MYO7A: variants seen among roughly 807,000 people sequenced by gnomAD.
MYO7A encodes unconventional myosin-VIIa.
A neutral mutation model predicts 263.8 loss-of-function variants in MYO7A; 210 were observed. The ratio of observed to expected loss-of-function variants is 0.80; its 90% CI spans 0.71 to 0.89. The LOEUF is 0.89. MYO7A is among the 40% of genes least tolerant of loss of function. MYO7A has a pLI of 0.00. For synonymous variants in MYO7A, 1,239 were observed against 1,197.3 expected (o/e 1.03, Z -0.72); for missense variants, 2,820 against 2,968.3 (o/e 0.95, Z 1.16).
chr11:77,169,980 A>G (rs1407564458), intron 15 of MYO7A, among the ~76,000 whole-genome samples: 2 of 152,158 alleles, frequency 1.3e-5, no homozygotes, highest in Non-Finnish European at 2.9e-5. Context: ...GGAGGCTGAG[A>G]CAGGAGGCCG....
chr11:77,199,895 G>T, intron 35 of MYO7A, 77 bp downstream of exon 35: 1 of 1,332,404 alleles, frequency 7.5e-7, no homozygotes, highest in Non-Finnish European at 1.0e-6. Flanking sequence ...CATTTGTGTT[G>T]CTATAATGGA....
At chr11:77,130,470 A>G (rs1227586016) in intron 1 of MYO7A, 119 bp from the exon 2 acceptor site, 6 of 714,040 alleles carry the variant, frequency 8.4e-6, no homozygotes, top group Non-Finnish European at 1.4e-5. Flanking sequence ...GAAGCCAAGG[A>G]GGGTTCCCTT....
intron 32 of MYO7A, among the ~76,000 whole-genome samples, chr11:77,196,552 A>G (rs1956678183): frequency 6.6e-6 from 1 of 152,226 alleles, no homozygotes; most frequent in Non-Finnish European, 1.5e-5. Context: ...CGTTCAAAAA[A>G]GTAGGACTGC....
At chr11:77,166,250 C>A in intron 15 of MYO7A, 88 bp downstream of exon 15, 1 of 1,144,914 alleles carries the variant, frequency 8.7e-7, no homozygotes. Flanking sequence ...ACAGCTTCAG[C>A]TGAGCCCCCT....
chr11:77,190,878 C>T lies in MYO7A; in HGVS notation c.3924+8C>T, dbSNP rs565801140. 3.6e-5 allele frequency: 56 copies of T among 1,549,422 alleles called. No homozygotes were observed. In the South Asian group the frequency reaches 4.6e-4, roughly 13 times the overall value. Reference sequence around the variant, plus strand: ...ATTGCCCTGTTTGACAAGGTATGGCCGCCCGGAAGCACCTCCTCCCGGAAG... The same window carrying T: ...ATTGCCCTGTTTGACAAGGTATGGCTGCCCGGAAGCACCTCCTCCCGGAAG... On this transcript the variant is annotated splice_region_variant and intron_variant, in intron 30 of 48. Transcript: ENST00000409709.
chr11:77,204,069 T>G lies in MYO7A; in HGVS notation c.5327-7T>G, dbSNP rs1957263889. ...TTCGGCACAAGCCCTTCCTTGACAG[T>G]CCCCAGCTGTGCTCAAGTACATGGG... On this transcript the variant is annotated splice_polypyrimidine_tract_variant and splice_region_variant and intron_variant, in intron 38 of 48. Transcript: ENST00000409709. 1 of 1,595,902 alleles carries G rather than the reference T, an allele frequency of 6.3e-7. No homozygotes were observed. The highest frequency in any genetic ancestry group is 8.5e-7 in the Non-Finnish European group (1 of 1,171,186).
intron 13 of MYO7A, 96 bp downstream of exon 13, chr11:77,162,426 T>A: frequency 8.4e-7 from 1 of 1,186,428 alleles, no homozygotes; most frequent in Non-Finnish European, 1.2e-6. Context: ...AAAATAGGAC[T>A]AATGATACCC....
At chr11:77,179,150 CT>C (rs1555082177) in intron 20 of MYO7A, 21 bp downstream of exon 20, 1 of 1,576,182 alleles carries the variant, frequency 6.3e-7, no homozygotes. Context: ...CCATGGGCTG[CT>C]CTTGCCCAAA....
Position 77,211,882 on chromosome 11 carries a change from T to G in MYO7A, c.6299T>G (p.Phe2100Cys). Residue 2100 changes from phenylalanine to cysteine, a missense_variant, in exon 46 of 49, where the codon TTC becomes TGC. Physicochemically the swap from Phe to Cys is radical, Grantham distance 205. Transcript: ENST00000409709. ...TCCAAGGAGGAGGCCAAGCTGGCCT[T>G]CCTGAAGCTCATCTTCAAGTGGCCC... ...GKSKEEAKLA[F>C]LKLIFKWPTF... 1.2e-6 allele frequency: 2 copies of G among 1,613,968 alleles called. No homozygotes were observed. The highest frequency in any genetic ancestry group is 1.7e-6 in the Non-Finnish European group (2 of 1,179,870).
intron 15 of MYO7A, among the ~76,000 whole-genome samples, chr11:77,171,060 A>G (rs1369068488): frequency 6.6e-6 from 1 of 152,230 alleles, no homozygotes; most frequent in Non-Finnish European, 1.5e-5. Flanking sequence ...CCATGCAGCA[A>G]TAAAGAGGCA....
intron 2 of MYO7A, among the ~76,000 whole-genome samples, chr11:77,136,110 G>T (rs576308184): frequency 6.6e-6 from 1 of 152,172 alleles, no homozygotes; most frequent in Non-Finnish European, 1.5e-5. Flanking sequence ...TTTTGTTTAC[G>T]TGGGAATGTC....
intron 4 of MYO7A, among the ~76,000 whole-genome samples, chr11:77,150,166 G>A (rs782464672): frequency 5.3e-5 from 8 of 152,344 alleles, no homozygotes; most frequent in East Asian, 3.9e-4. Flanking sequence ...AGGAGGAGGC[G>A]GAGGGCCCCG....
chr11:77,208,717 T>G lies in MYO7A; in HGVS notation c.5965T>G (p.Tyr1989Asp). ...TGCAGGAATTGTGCCCTCACTCACC[T>G]ACCAGGTGTTCTTCATGAAGAAGCT... is the stretch of plus-strand genomic sequence containing the variant. ...IKDGIVPSLTYQVFFMKKLWT... is the reference protein window; with the variant it reads ...IKDGIVPSLTDQVFFMKKLWT... Residue 1989 changes from tyrosine to aspartate, a missense_variant, in exon 44 of 49, where the codon TAC (tyrosine) becomes GAC (aspartate). By Grantham distance (160) the Tyr-to-Asp change is radical (BLOSUM62 -3). Transcript: ENST00000409709. 6.3e-7 allele frequency: 1 copy of G among 1,586,492 alleles called. No homozygotes were observed. The highest frequency in any genetic ancestry group is 8.6e-7 in the Non-Finnish European group (1 of 1,166,036).
chr11:77,183,680 A>T (rs1163118619), intron 26 of MYO7A, among the ~76,000 whole-genome samples: 1 of 152,168 alleles, frequency 6.6e-6, no homozygotes. Flanking sequence ...AAACCAAGGC[A>T]TTCACAGCCT....
At chr11:77,199,965 G>T in intron 35 of MYO7A, 147 bp downstream of exon 35, 2 of 936,464 alleles carry the variant, frequency 2.1e-6, no homozygotes, top group Middle Eastern at 6.7e-4. Context: ...AGTTCTGCAG[G>T]CACTACAAGA....
At chr11:77,154,754 C>T (rs1411081131) in intron 4 of MYO7A, among the ~76,000 whole-genome samples, 4 of 152,114 alleles carry the variant, frequency 2.6e-5, no homozygotes, top group African/African-American at 4.8e-5. Flanking sequence ...GAAGGTCTTC[C>T]TGGGCCCAGG....
At chr11:77,209,563 T>G (rs1957721993) in intron 44 of MYO7A, among the ~76,000 whole-genome samples, 2 of 135,734 alleles carry the variant, frequency 1.5e-5, no homozygotes, top group South Asian at 5.4e-4. Flanking sequence ...ACTGAGTGCA[T>G]GGCCCCTGGA....
intron 42 of MYO7A, 113 bp downstream of exon 42, chr11:77,207,515 C>T (rs989552803): frequency 1.1e-5 from 9 of 792,832 alleles, no homozygotes; most frequent in Middle Eastern, 2.4e-4. Flanking sequence ...AGGGCACTGG[C>T]ATCTGGCCAT....
In MYO7A at chr11:77,192,074, T is replaced by G; in HGVS notation, c.3948T>G (p.Ser1316Arg). 3.1e-6 allele frequency: 5 copies of G among 1,613,590 alleles called. No individual in the cohort carries two copies. The highest frequency in any genetic ancestry group is 4.2e-6 in the Non-Finnish European group (5 of 1,179,878). The change falls in exon 31 of 49, where the codon AGT becomes AGG. Residue 1316 changes from serine to arginine, a missense_variant. Ser to Arg is a moderately radical substitution (Grantham distance 110). Transcript: ENST00000409709. ...AGGTGTCCTCCCTGGGCAGCGGCAG[T>G]GACCACGTCATGGACGCCATCTCCC... ...FDKVSSLGSG[S>R]DHVMDAISQC...
Sources: allele counts gnomAD v4.1 joint callset (sites outside exome capture counted in the v4.1 genomes callset), GRCh38; gene constraint gnomAD v4.1.1; transcripts MANE v1.5; gene names NCBI Gene and HGNC (gene_info 2026-07-23, HGNC 2026-07-21).